ZNF804A: variants seen among roughly 807,000 people sequenced by gnomAD.
The protein encoded by ZNF804A is zinc finger protein 804A.
ZNF804A carries 2 observed loss-of-function variants against 16.5 expected under a neutral mutation model. The ratio of observed to expected loss-of-function variants is 0.12; its 90% CI spans 0.05 to 0.38. The LOEUF is 0.38. Among genes scored for constraint, ZNF804A ranks in the 10% least tolerant of loss-of-function variants. ZNF804A has a pLI of 0.99. For missense variants in ZNF804A, 1,473 were observed against 1,390.7 expected (o/e 1.06, Z -0.94); for synonymous variants, 534 against 489.6 (o/e 1.09, Z -1.20).
intron 1 of ZNF804A, among the ~76,000 whole-genome samples, chr2:184,623,595 C>T (rs1691450627): frequency 6.6e-6 from 1 of 152,014 alleles, no homozygotes; most frequent in Non-Finnish European, 1.5e-5. Context: ...AAAGCCATGC[C>T]TAGCTTTAAT....
intron 2 of ZNF804A, among the ~76,000 whole-genome samples, chr2:184,917,417 A>G (rs1161859761): frequency 6.6e-6 from 1 of 152,164 alleles, no homozygotes; most frequent in Non-Finnish European, 1.5e-5. Context: ...GATGTTATTC[A>G]ATACATATTA....
At chr2:184,890,707 A>G (rs1684967635) in intron 2 of ZNF804A, among the ~76,000 whole-genome samples, 1 of 151,842 alleles carries the variant, frequency 6.6e-6, no homozygotes, top group Non-Finnish European at 1.5e-5. Flanking sequence ...ACAGTCCTTG[A>G]GAATAAATTG....
chr2:184,811,746 AAAAT>A (rs1694906004), intron 1 of ZNF804A, among the ~76,000 whole-genome samples: 1 of 151,562 alleles, frequency 6.6e-6, no homozygotes, highest in South Asian at 2.1e-4. Context: ...AATAATAAAG[AAAAT>A]AAGTCATCAA....
chr2:184,889,068 A>G (rs916029999), intron 2 of ZNF804A, among the ~76,000 whole-genome samples: 2 of 151,996 alleles, frequency 1.3e-5, no homozygotes. Context: ...ATTCACTCCA[A>G]CATTGTCAAC....
At chr2:184,860,125 G>C (rs1695774460) in intron 1 of ZNF804A, among the ~76,000 whole-genome samples, 1 of 152,196 alleles carries the variant, frequency 6.6e-6, no homozygotes, top group African/African-American at 2.4e-5. Context: ...CTTGGCACTG[G>C]AGTATACTAT....
chr2:184,766,016 G>C (rs1187885933), intron 1 of ZNF804A, among the ~76,000 whole-genome samples: 1 of 151,958 alleles, frequency 6.6e-6, no homozygotes, highest in Admixed American at 6.6e-5. Flanking sequence ...TATTATTGTA[G>C]AAATGAAATA....
At chr2:184,797,573 T>C (rs1170928706) in intron 1 of ZNF804A, among the ~76,000 whole-genome samples, 8 of 152,162 alleles carry the variant, frequency 5.3e-5, no homozygotes, top group African/African-American at 1.9e-4. Flanking sequence ...TTCTTTTCCA[T>C]TCTGCAGTTC....
intron 2 of ZNF804A, among the ~76,000 whole-genome samples, chr2:184,917,585 C>T (rs7593816): frequency 0.15 from 23,348 of 151,614 alleles, 2,260 homozygotes; most frequent in East Asian, 0.3. Flanking sequence ...ATTCCCAAAA[C>T]GTATATTACA....
intron 1 of ZNF804A, among the ~76,000 whole-genome samples, chr2:184,795,445 C>A (rs1251924372): frequency 6.6e-6 from 1 of 151,988 alleles, no homozygotes; most frequent in African/African-American, 2.4e-5. Context: ...AGTTGATACA[C>A]CTAAATGCTT....
rs557278543 is a variant in ZNF804A at position 184,640,035 on chromosome 2, TA to T, written c.111+40974del. Among the ~76,000 whole-genome samples, 1,375 of 150,354 alleles carry T rather than the reference TA, an allele frequency of 9.1e-3. 10 individuals carry two copies. The highest frequency in any genetic ancestry group is 0.016 in the South Asian group (75 of 4,768). ...AAATTAATTTAATAAATAAATAAAA[TA>T]AAAAAAAATAGAGATCAAGGTAACT... On this transcript the variant is annotated intron_variant, in intron 1 of 3. Coordinates refer to ENST00000302277, the MANE Select transcript of ZNF804A (RefSeq NM_194250.2).
intron 1 of ZNF804A, among the ~76,000 whole-genome samples, chr2:184,850,415 A>T (rs572462708): frequency 2.0e-5 from 3 of 151,856 alleles, no homozygotes; most frequent in Non-Finnish European, 4.4e-5. Flanking sequence ...TCAATCAGTT[A>T]AGCAACGAGT....
intron 1 of ZNF804A, among the ~76,000 whole-genome samples, chr2:184,683,092 G>A (rs1385733958): frequency 6.6e-6 from 1 of 152,044 alleles, no homozygotes; most frequent in Admixed American, 6.6e-5. Flanking sequence ...TATTTGAATT[G>A]CAGCATGTAT....
chr2:184,687,890 G>A (rs962001242), intron 1 of ZNF804A, among the ~76,000 whole-genome samples: 3 of 152,132 alleles, frequency 2.0e-5, no homozygotes, highest in Non-Finnish European at 4.4e-5. Context: ...AGGCCAAGGC[G>A]GGTGGATCAA....
chr2:184,702,042 G>A (rs1162764908), intron 1 of ZNF804A, among the ~76,000 whole-genome samples: 3 of 151,684 alleles, frequency 2.0e-5, no homozygotes, highest in African/African-American at 7.3e-5. Flanking sequence ...TTTAAAATAA[G>A]AGCTAGAAGG....
At chr2:184,631,138 C>A (rs568120495) in intron 1 of ZNF804A, among the ~76,000 whole-genome samples, 1 of 152,188 alleles carries the variant, frequency 6.6e-6, no homozygotes, top group East Asian at 1.9e-4. Context: ...AACAGCCATT[C>A]AAGCTTCCAA....
At chr2:184,794,711 T>A (rs1195874864) in intron 1 of ZNF804A, among the ~76,000 whole-genome samples, 1 of 152,096 alleles carries the variant, frequency 6.6e-6, no homozygotes, top group East Asian at 1.9e-4. Context: ...AGATACAAAA[T>A]TGCAGAATAG....
chr2:184,925,446 T>C (rs183185703), intron 2 of ZNF804A, among the ~76,000 whole-genome samples: 201 of 152,144 alleles, frequency 1.3e-3, no homozygotes, highest in Middle Eastern at 3.4e-3. Flanking sequence ...GTGTGTTTCT[T>C]GTAGGTAACA....
At chr2:184,654,344 C>T (rs1692041037) in intron 1 of ZNF804A, among the ~76,000 whole-genome samples, 2 of 152,040 alleles carry the variant, frequency 1.3e-5, no homozygotes, top group Non-Finnish European at 2.9e-5. Flanking sequence ...GGGGAATATG[C>T]TTCCTTTTTC....
chr2:184,695,318 G>A (rs1433604721), intron 1 of ZNF804A, among the ~76,000 whole-genome samples: 1 of 151,580 alleles, frequency 6.6e-6, no homozygotes, highest in African/African-American at 2.4e-5. Flanking sequence ...AAAATTAGCC[G>A]GGTGAGGTGG....
Sources: gnomAD v4.1 joint callset for allele counts (sites outside exome capture counted in the v4.1 genomes callset) on GRCh38, gnomAD v4.1.1 for gene constraint, MANE v1.5 for transcripts, NCBI Gene and HGNC (gene_info 2026-07-23, HGNC 2026-07-21) for gene names.